Variants in NRG1 observed in about 807,000 individuals in gnomAD.
The protein encoded by NRG1 is pro-neuregulin-1, membrane-bound isoform.
Under a neutral mutation model 63.8 loss-of-function variants are expected in NRG1, and 18 were observed. The observed-to-expected ratio is 0.28, with a 90% confidence interval of 0.19 to 0.42. The LOEUF (loss-of-function observed/expected upper bound fraction) is 0.42. Among genes scored for constraint, NRG1 ranks in the 10% least tolerant of loss-of-function variants. NRG1 has a pLI of 1.00. For synonymous variants in NRG1, 302 were observed against 301.3 expected (o/e 1.00, Z -0.02); for missense variants, 762 against 814.7 (o/e 0.94, Z 0.79).
At chr8:31,743,537 A>T (rs1223677261) in intron 1 of NRG1, among the ~76,000 whole-genome samples, 1 of 151,536 alleles carries the variant, frequency 6.6e-6, no homozygotes, top group Non-Finnish European at 1.5e-5. Context: ...ATAAATGGTA[A>T]TTTTTTCTAT....
chr8:32,395,708 G>A (rs1314177523), intron 1 of NRG1, among the ~76,000 whole-genome samples: 1 of 151,292 alleles, frequency 6.6e-6, no homozygotes, highest in Non-Finnish European at 1.5e-5. Flanking sequence ...TCCCTTACCA[G>A]TATCTTTTGC....
intron 5 of NRG1, among the ~76,000 whole-genome samples, chr8:32,638,257 A>ATACC (rs1851696561): frequency 6.6e-6 from 1 of 152,222 alleles, no homozygotes; most frequent in East Asian, 1.9e-4. Context: ...TGGCACATGT[A>ATACC]TACCTGTGTA....
At position 31,662,758 on chromosome 8, in the gene NRG1, G is replaced by C. The variant is rs181385138; in HGVS notation, c.37+23327G>C. ...TTCATCATCTGCACTTGGATGGAAT[G>C]AATTTATGAATGTTCTTAGAGACAC... On this transcript the variant is annotated intron_variant, in intron 1 of 10. Transcript: ENST00000519301. 1.5e-4 allele frequency among the ~76,000 whole-genome samples: 23 copies of C among 152,290 alleles called. 1 individual carries two copies. Among genetic ancestry groups the C allele is most frequent in the Admixed American group, 1.4e-3 (22 of 15,292 alleles).
intron 1 of NRG1, among the ~76,000 whole-genome samples, chr8:31,704,479 A>G (rs1810927449): frequency 6.6e-6 from 1 of 152,138 alleles, no homozygotes; most frequent in Admixed American, 6.5e-5. Context: ...GTGGCTTTCC[A>G]TTAAATCCTG....
intron 1 of NRG1, among the ~76,000 whole-genome samples, chr8:32,312,150 C>CTTT (rs1563301557): frequency 2.6e-4 from 33 of 127,252 alleles, no homozygotes; most frequent in Non-Finnish European, 3.9e-4. Flanking sequence ...ATTATTTGAC[C>CTTT]TTGTTTGTTT....
chr8:32,417,806 T>C (rs1587517084), intron 1 of NRG1, among the ~76,000 whole-genome samples: 3 of 152,284 alleles, frequency 2.0e-5, no homozygotes, highest in East Asian at 3.9e-4. Context: ...AAAAATACTT[T>C]GTGGTGGATT....
intron 5 of NRG1, among the ~76,000 whole-genome samples, chr8:32,688,294 G>T (rs1361870859): frequency 2.0e-5 from 3 of 152,008 alleles, no homozygotes; most frequent in Non-Finnish European, 4.4e-5. Flanking sequence ...CACGTAAGCC[G>T]CTCAACTCAC....
At chr8:32,459,337 A>G (rs939990259) in intron 1 of NRG1, among the ~76,000 whole-genome samples, 2 of 152,166 alleles carry the variant, frequency 1.3e-5, no homozygotes, top group Non-Finnish European at 2.9e-5. Flanking sequence ...AGTTTTTCCT[A>G]TCTTTACTTC....
At position 31,842,536 on chromosome 8, in the gene NRG1, T is replaced by C. The variant is rs7837138; in HGVS notation, c.37+203105T>C. Among the ~76,000 whole-genome samples the C allele has an allele frequency of 2.1e-3, 315 of 152,290 alleles. 2 individuals are homozygous for C. Among genetic ancestry groups the C allele is most frequent in the African/African-American group, 6.9e-3 (288 of 41,552 alleles). On this transcript the variant is annotated intron_variant, in intron 1 of 10. Coordinates refer to the NRG1 transcript ENST00000519301. ...ACTCCATATATGCCAACACTATGGGTTGATAACCTCTTCCAAGAATCATTG... is the reference window on the plus strand; with the variant it reads ...ACTCCATATATGCCAACACTATGGGCTGATAACCTCTTCCAAGAATCATTG...
In NRG1 at chr8:31,669,818, C is replaced by T. The variant is rs537006322; in HGVS notation, c.37+30387C>T. Among the ~76,000 whole-genome samples, 4 of 152,144 alleles carry T rather than the reference C, an allele frequency of 2.6e-5. No individual in the cohort carries two copies. The South Asian group carries it at 8.3e-4, about 32-fold the overall frequency. On this transcript the variant is annotated intron_variant, in intron 1 of 10. Coordinates refer to the NRG1 transcript ENST00000519301. ...AGGAGGCTGGGAGGGCCTTTTTTCC[C>T]TTGGGGACATTGAATAAAGCATGTG...
intron 1 of NRG1, among the ~76,000 whole-genome samples, chr8:32,098,341 G>A (rs1411451813): frequency 8.5e-5 from 13 of 152,304 alleles, no homozygotes; most frequent in Admixed American, 7.2e-4. Flanking sequence ...GCTGGCATAT[G>A]ATGTGCCTGG....
chr8:32,475,480 A>AAAAAAAAAAT (rs1563515267), intron 1 of NRG1, among the ~76,000 whole-genome samples: 2 of 149,976 alleles, frequency 1.3e-5, no homozygotes, highest in African/African-American at 4.9e-5. Flanking sequence ...AAAAAAAAAA[A>AAAAAAAAAAT]GTGCCTACTC....
At chr8:32,245,468 T>A (rs1457863409) in intron 1 of NRG1, among the ~76,000 whole-genome samples, 2 of 152,140 alleles carry the variant, frequency 1.3e-5, no homozygotes, top group Admixed American at 1.3e-4. Flanking sequence ...GGGGAAGTCA[T>A]TTAAATCATT....
intron 1 of NRG1, among the ~76,000 whole-genome samples, chr8:32,033,309 G>A (rs1818561881): frequency 6.6e-6 from 1 of 151,968 alleles, no homozygotes; most frequent in African/African-American, 2.4e-5. Context: ...TGGTCTATGT[G>A]TCTGTTTTTG....
At chr8:32,000,938 C>T (rs1051134189) in intron 1 of NRG1, among the ~76,000 whole-genome samples, 1 of 151,790 alleles carries the variant, frequency 6.6e-6, no homozygotes, top group East Asian at 1.9e-4. Context: ...TATAAATACC[C>T]CTATTACACA....
intron 1 of NRG1, among the ~76,000 whole-genome samples, chr8:32,583,397 T>C (rs753973893): frequency 2.3e-4 from 35 of 152,308 alleles, no homozygotes; most frequent in Non-Finnish European, 4.3e-4. Flanking sequence ...CCTGTCTCCA[T>C]TCTTTTTGAT....
chr8:32,759,982 TGA>T (rs1196060699), intron 10 of NRG1, among the ~76,000 whole-genome samples: 1 of 152,162 alleles, frequency 6.6e-6, no homozygotes, highest in Non-Finnish European at 1.5e-5. Context: ...AGTGGACAAG[TGA>T]ATATACTGTA....
At chr8:32,501,272 G>T (rs1221960698) in intron 1 of NRG1, among the ~76,000 whole-genome samples, 1 of 152,166 alleles carries the variant, frequency 6.6e-6, no homozygotes, top group African/African-American at 2.4e-5. Flanking sequence ...GTGATACCAA[G>T]ACATCTCATG....
rs140206623 is a variant in NRG1, at chr8:32,672,651, C to A, written c.503-55298C>A. On this transcript the variant is annotated intron_variant, in intron 5 of 11. Coordinates refer to ENST00000356819, the Ensembl canonical transcript of NRG1. ...GGTACACAGATGATGACATGGTAAG[C>A]TTTCTTTAATTAGAAAATGTTTCTT... Among the ~76,000 whole-genome samples, 74 of 152,222 alleles carry A rather than the reference C, an allele frequency of 4.9e-4. 1 individual carries two copies. In the East Asian group the frequency reaches 0.014, roughly 29 times the overall value.
Sources: allele counts gnomAD v4.1 joint callset (sites outside exome capture counted in the v4.1 genomes callset), GRCh38; gene constraint gnomAD v4.1.1; transcripts MANE v1.5; gene names NCBI Gene and HGNC (gene_info 2026-07-23, HGNC 2026-07-21).